The following DLEU7 variants were observed in gnomAD, a reference collection of about 807,000 sequenced individuals.
DLEU7 encodes the protein deleted in lymphocytic leukemia 7.
In DLEU7, 17 loss-of-function variants were observed where a neutral mutation model predicts 16.0. The ratio of observed to expected loss-of-function variants is 1.06; its 90% CI spans 0.73 to 1.59. DLEU7 has a LOEUF of 1.59. Among genes scored for constraint, DLEU7 ranks in the 40% most tolerant of loss-of-function variants. The probability of loss-of-function intolerance (pLI) is 0.00; values close to 1 mark genes in which losing one functional copy is unlikely to be tolerated. For synonymous variants in DLEU7, 113 were observed against 139.8 expected, an observed-to-expected ratio of 0.81 and a Z score of 1.35; for missense variants, 308 against 314.9, an observed-to-expected ratio of 0.98 and a Z score of 0.17.
rs779084440 is a variant in DLEU7 at position 50,790,796 on chromosome 13, G to T, written c.459+52392C>A. Among the ~76,000 whole-genome samples, 104 of 152,184 alleles carry T rather than the reference G, an allele frequency of 6.8e-4. 1 individual carries two copies. Among genetic ancestry groups the T allele is most frequent in the Non-Finnish European group, 1.2e-3 (80 of 68,030 alleles). The stretch of plus-strand genomic sequence containing the variant: ...AGGCTTCCTGTAGAGATTAGCCACG[G>T]ATGCTCTCTCGAGGTCCTGGTGCAT... On this transcript the variant is annotated intron_variant, in intron 1 of 1. Coordinates refer to the DLEU7 transcript ENST00000400393.
intron 1 of DLEU7, among the ~76,000 whole-genome samples, chr13:50,815,005 C>A (rs544238529): frequency 6.6e-6 from 1 of 151,940 alleles, no homozygotes; most frequent in East Asian, 2.0e-4. Flanking sequence ...ATCTATAATT[C>A]TATTTAAATA....
intron 1 of DLEU7, among the ~76,000 whole-genome samples, chr13:50,826,704 T>A (rs1877097018): frequency 6.6e-6 from 1 of 152,104 alleles, no homozygotes; most frequent in Non-Finnish European, 1.5e-5. Context: ...GGAAGTAAAA[T>A]ATGTCATAGG....
At chr13:50,754,672 C>T (rs929382285) in intron 1 of DLEU7, among the ~76,000 whole-genome samples, 1 of 152,164 alleles carries the variant, frequency 6.6e-6, no homozygotes, top group African/African-American at 2.4e-5. Flanking sequence ...CATTAACATC[C>T]AGTGTTAGTA....
intron 1 of DLEU7, among the ~76,000 whole-genome samples, chr13:50,838,894 G>A (rs1231332772): frequency 1.3e-5 from 2 of 152,214 alleles, no homozygotes; most frequent in African/African-American, 2.4e-5. Flanking sequence ...AGGACGCAGC[G>A]AGAAGGCAGC....
In DLEU7 at chr13:50,750,967, A is replaced by G. The variant is rs553237898; in HGVS notation, c.460-37727T>C. 2.0e-5 allele frequency among the ~76,000 whole-genome samples: 3 copies of G among 152,268 alleles called. No homozygotes were observed. In the South Asian group the frequency reaches 6.2e-4, roughly 32 times the overall value. ...GATTGCTCTGGCTAGGACTTTCAGT[A>G]CCATATTGAAGAGAAGTGGTGAGAG... On this transcript the variant is annotated intron_variant, in intron 1 of 1. Transcript: ENST00000400393.
intron 1 of DLEU7, among the ~76,000 whole-genome samples, chr13:50,739,878 G>A (rs753621076): frequency 7.2e-5 from 11 of 152,164 alleles, no homozygotes; most frequent in Admixed American, 4.6e-4. Flanking sequence ...CTCCCTGTTG[G>A]GGGCATGTAA....
intron 1 of DLEU7, among the ~76,000 whole-genome samples, chr13:50,753,518 G>T (rs994923823): frequency 1.3e-5 from 2 of 152,218 alleles, no homozygotes; most frequent in Non-Finnish European, 1.5e-5. Flanking sequence ...TCTGCTGGGG[G>T]ACCCAGTACA....
intron 1 of DLEU7, among the ~76,000 whole-genome samples, chr13:50,828,307 CAGAA>C (rs1230607615): frequency 3.9e-5 from 6 of 152,124 alleles, no homozygotes; most frequent in African/African-American, 4.8e-5. Context: ...CAACAAATAT[CAGAA>C]AGACTCTATC....
chr13:50,794,390 A>C (rs540169356), intron 1 of DLEU7, among the ~76,000 whole-genome samples: 8 of 151,960 alleles, frequency 5.3e-5, no homozygotes, highest in Non-Finnish European at 7.4e-5. Context: ...TCAGAGCAGG[A>C]TTATGTCCTC....
chr13:50,785,134 C>T (rs930114614), intron 1 of DLEU7, among the ~76,000 whole-genome samples: 1 of 152,050 alleles, frequency 6.6e-6, no homozygotes, highest in Admixed American at 6.6e-5. Context: ...CTGACTTAAG[C>T]TGAGGAGTAA....
At chr13:50,772,281 G>A (rs1272881818) in intron 1 of DLEU7, among the ~76,000 whole-genome samples, 1 of 152,080 alleles carries the variant, frequency 6.6e-6, no homozygotes, top group Non-Finnish European at 1.5e-5. Flanking sequence ...GGTTAATATT[G>A]TTATGTGTGA....
chr13:50,829,577 C>A (rs946020540), intron 1 of DLEU7, among the ~76,000 whole-genome samples: 1 of 152,162 alleles, frequency 6.6e-6, no homozygotes, highest in Non-Finnish European at 1.5e-5. Context: ...ATTACATGTA[C>A]AATAAAATTC....
intron 1 of DLEU7, among the ~76,000 whole-genome samples, chr13:50,786,132 T>C (rs577462346): frequency 6.6e-5 from 10 of 152,268 alleles, no homozygotes; most frequent in Middle Eastern, 3.4e-3. Flanking sequence ...AAGACTTTGA[T>C]GGGTTCAAGG....
At chr13:50,836,678 GA>G (rs1005729086) in intron 1 of DLEU7, among the ~76,000 whole-genome samples, 26 of 138,866 alleles carry the variant, frequency 1.9e-4, no homozygotes, top group East Asian at 8.2e-4. Context: ...CATCTCAAAA[GA>G]AAAAAAAAAG....
intron 1 of DLEU7, among the ~76,000 whole-genome samples, chr13:50,753,793 C>G (rs1231508997): frequency 2.0e-5 from 3 of 152,214 alleles, no homozygotes; most frequent in Non-Finnish European, 4.4e-5. Context: ...CAAGTGCCGC[C>G]AAAGTGGGAG....
At chr13:50,832,580 C>T (rs904897604) in intron 1 of DLEU7, among the ~76,000 whole-genome samples, 5 of 152,048 alleles carry the variant, frequency 3.3e-5, no homozygotes, top group Admixed American at 1.3e-4. Context: ...ATTAGGGTGT[C>T]GATATTAGAT....
At chr13:50,740,040 C>T (rs1427872563) in intron 1 of DLEU7, among the ~76,000 whole-genome samples, 1 of 152,144 alleles carries the variant, frequency 6.6e-6, no homozygotes, top group Non-Finnish European at 1.5e-5. Context: ...TTGATTTCTG[C>T]TCCATTTCCT....
chr13:50,839,266 TCA>T (rs760524356), intron 1 of DLEU7, among the ~76,000 whole-genome samples: 13 of 152,240 alleles, frequency 8.5e-5, no homozygotes, highest in Admixed American at 3.9e-4. Flanking sequence ...CCTCCAAGCC[TCA>T]GTTTCCTCCT....
At chr13:50,753,024 T>G (rs369616981) in intron 1 of DLEU7, among the ~76,000 whole-genome samples, 3 of 152,212 alleles carry the variant, frequency 2.0e-5, no homozygotes, top group South Asian at 4.2e-4. Flanking sequence ...ATTAGCTACA[T>G]AAAGAGTGTT....
Sources: allele counts gnomAD v4.1 joint callset (sites outside exome capture counted in the v4.1 genomes callset), GRCh38; gene constraint gnomAD v4.1.1; transcripts MANE v1.5; gene names NCBI Gene and HGNC (gene_info 2026-07-23, HGNC 2026-07-21).